DLGAP1: variants seen among roughly 807,000 people sequenced by gnomAD.
The protein encoded by DLGAP1 is disks large-associated protein 1.
DLGAP1 carries 11 observed loss-of-function variants against 90.8 expected under a neutral mutation model. The observed-to-expected ratio is 0.12, with a 90% CI of 0.08 to 0.20. The LOEUF (loss-of-function observed/expected upper bound fraction) is 0.20. DLGAP1 is among the 10% of genes least tolerant of loss of function. The pLI is 1.00. For synonymous variants in DLGAP1, 558 were observed against 540.7 expected (o/e 1.03, Z -0.44); for missense variants, 1,050 against 1,333.8 (o/e 0.79, Z 3.31).
At chr18:4,119,567 A>G (rs1259509298) in intron 2 of DLGAP1, among the ~76,000 whole-genome samples, 1 of 152,202 alleles carries the variant, frequency 6.6e-6, no homozygotes, top group African/African-American at 2.4e-5. Flanking sequence ...GAATGTGTTT[A>G]GCAATACGGA....
chr18:3,943,033 C>T (rs1452759282), intron 3 of DLGAP1, among the ~76,000 whole-genome samples: 1 of 151,822 alleles, frequency 6.6e-6, no homozygotes, highest in African/African-American at 2.4e-5. Context: ...GTAGTTTCAT[C>T]TTCAGCTTTC....
chr18:3,808,240 G>A lies in DLGAP1; in HGVS notation c.1172+5819C>T, dbSNP rs150200849. Among the ~76,000 whole-genome samples, 187 of 152,230 alleles carry A rather than the reference G, an allele frequency of 1.2e-3. 2 individuals carry two copies. The highest frequency in any genetic ancestry group is 4.2e-3 in the African/African-American group (175 of 41,536). On this transcript the variant is annotated intron_variant, in intron 5 of 12. Transcript: ENST00000315677. ...TGACTTTCCCTGTTTTAAACGTGTC[G>A]CGTTTCTTATTATATTGGAAAGTGG...
At chr18:3,726,446 T>C (rs200135077) in intron 7 of DLGAP1, among the ~76,000 whole-genome samples, 1 of 142,940 alleles carries the variant, frequency 7.0e-6, no homozygotes, top group Non-Finnish European at 1.5e-5. Flanking sequence ...GTGTGTGGGG[T>C]GTGTGTGTGA....
At chr18:4,031,133 A>AT (rs1286136686) in intron 2 of DLGAP1, among the ~76,000 whole-genome samples, 4 of 152,144 alleles carry the variant, frequency 2.6e-5, no homozygotes, top group Non-Finnish European at 2.9e-5. Flanking sequence ...CATTGGTCTG[A>AT]ATGACAAAAC....
rs114103793 is a variant in DLGAP1 at position 4,058,786 on chromosome 18, T to C, written c.-158-53585A>G. On this transcript the variant is annotated intron_variant, in intron 2 of 12. Coordinates refer to ENST00000315677, the MANE Select transcript of DLGAP1 (RefSeq NM_004746.4). Reference sequence around the variant, plus strand: ...ATATGCCTTGAGACCTTCAAGGTCTTATTCAAAGGGAGAGGAGTCTAGATT... The same window carrying C: ...ATATGCCTTGAGACCTTCAAGGTCTCATTCAAAGGGAGAGGAGTCTAGATT... Among the ~76,000 whole-genome samples the C allele has an allele frequency of 3.7e-3, 564 of 152,336 alleles. 3 individuals carry two copies. The highest frequency in any genetic ancestry group is 0.013 in the African/African-American group (542 of 41,584).
At chr18:4,283,634 A>G (rs1158911064) in intron 1 of DLGAP1, among the ~76,000 whole-genome samples, 1 of 152,186 alleles carries the variant, frequency 6.6e-6, no homozygotes, top group Non-Finnish European at 1.5e-5. Flanking sequence ...TCATCAATAG[A>G]GTTTATAAAG....
chr18:4,423,851 T>TTAA, intron 1 of DLGAP1, among the ~76,000 whole-genome samples: 1 of 120,644 alleles, frequency 8.3e-6, no homozygotes, highest in Non-Finnish European at 1.6e-5. Flanking sequence ...CCCAGGAATT[T>TTAA]AAAAAAAAAA....
intron 3 of DLGAP1, among the ~76,000 whole-genome samples, chr18:3,884,286 T>A (rs1453768857): frequency 1.3e-5 from 2 of 152,202 alleles, no homozygotes; most frequent in African/African-American, 4.8e-5. Flanking sequence ...GCCTTTCAAA[T>A]ACAGACTTAT....
At chr18:4,222,668 TA>T (rs1019427929) in intron 1 of DLGAP1, among the ~76,000 whole-genome samples, 4 of 151,144 alleles carry the variant, frequency 2.6e-5, no homozygotes, top group African/African-American at 9.7e-5. Flanking sequence ...TAATATAAAT[TA>T]AAAAAAATGA....
At chr18:4,009,345 G>A (rs144199772) in intron 2 of DLGAP1, among the ~76,000 whole-genome samples, 191 of 152,346 alleles carry the variant, frequency 1.3e-3, no homozygotes, top group African/African-American at 4.4e-3. Flanking sequence ...ATTAACTACA[G>A]AAAGCATTCA....
At chr18:3,954,291 T>C (rs2073043571) in intron 3 of DLGAP1, among the ~76,000 whole-genome samples, 1 of 152,194 alleles carries the variant, frequency 6.6e-6, no homozygotes, top group Non-Finnish European at 1.5e-5. Context: ...GTTCATGGGA[T>C]TCCACTTGAG....
At chr18:4,253,367 T>C (rs113351816) in intron 1 of DLGAP1, among the ~76,000 whole-genome samples, 3,371 of 152,282 alleles carry the variant, frequency 0.022, 128 homozygotes, top group African/African-American at 0.077. Context: ...TATTTGAACA[T>C]AGTAAACACA....
At chr18:4,081,973 T>C (rs1243595247) in intron 2 of DLGAP1, among the ~76,000 whole-genome samples, 2 of 152,068 alleles carry the variant, frequency 1.3e-5, no homozygotes, top group Non-Finnish European at 2.9e-5. Flanking sequence ...TATGGGAGGC[T>C]GAGGTGGGCG....
At chr18:3,648,860 G>T (rs2059205170) in intron 7 of DLGAP1, among the ~76,000 whole-genome samples, 1 of 152,200 alleles carries the variant, frequency 6.6e-6, no homozygotes, top group Non-Finnish European at 1.5e-5. Flanking sequence ...GCTTGCCTTT[G>T]ATTTGTAAAT....
At chr18:3,567,233 A>C (rs1254524493) in intron 9 of DLGAP1, among the ~76,000 whole-genome samples, 1 of 152,140 alleles carries the variant, frequency 6.6e-6, no homozygotes, top group Non-Finnish European at 1.5e-5. Context: ...ATAGTTTGGC[A>C]ACCCAAGAGT....
chr18:4,167,908 C>A (rs1222508607), intron 1 of DLGAP1, among the ~76,000 whole-genome samples: 1 of 152,032 alleles, frequency 6.6e-6, no homozygotes, highest in Non-Finnish European at 1.5e-5. Flanking sequence ...GTATGTTGAA[C>A]ATTATAAAAT....
At chr18:3,809,805 G>A (rs1054132463) in intron 5 of DLGAP1, among the ~76,000 whole-genome samples, 18 of 152,276 alleles carry the variant, frequency 1.2e-4, no homozygotes, top group Admixed American at 4.6e-4. Context: ...TTTCTGCAGT[G>A]TATCAAATAA....
chr18:4,412,048 GACTA>G (rs1396892269), intron 1 of DLGAP1, among the ~76,000 whole-genome samples: 41 of 152,142 alleles, frequency 2.7e-4, no homozygotes, highest in Non-Finnish European at 4.3e-4. Flanking sequence ...TATCTTGTAA[GACTA>G]ACTACTACAG....
intron 3 of DLGAP1, among the ~76,000 whole-genome samples, chr18:3,976,902 A>T (rs1297876091): frequency 6.6e-6 from 1 of 152,188 alleles, no homozygotes; most frequent in Non-Finnish European, 1.5e-5. Context: ...TTAATAGAAA[A>T]AATATATCTC....
Sources: allele counts gnomAD v4.1 joint callset (sites outside exome capture counted in the v4.1 genomes callset), GRCh38; gene constraint gnomAD v4.1.1; transcripts MANE v1.5; gene names NCBI Gene and HGNC (gene_info 2026-07-23, HGNC 2026-07-21).